UGGT2: variants seen among roughly 807,000 people sequenced by gnomAD.
The protein encoded by UGGT2 is UDP-glucose glycoprotein glucosyltransferase 2, also known as UDP-glucose:glycoprotein glucosyltransferase 2.
A neutral mutation model predicts 192.1 loss-of-function variants in UGGT2; 180 were observed. The observed-to-expected ratio is 0.94, with a 90% CI of 0.83 to 1.06. The LOEUF is 1.06. UGGT2 is among the 50% of genes least tolerant of loss of function. The pLI, the probability that UGGT2 is intolerant of heterozygous loss-of-function variation, is 0.00. For synonymous variants in UGGT2, 580 were observed against 591.0 expected, an observed-to-expected ratio of 0.98 and a Z score of 0.27; for missense variants, 1,849 against 1,795.7, an observed-to-expected ratio of 1.03 and a Z score of -0.54.
intron 38 of UGGT2, among the ~76,000 whole-genome samples, chr13:95,802,107 T>A (rs1884088533): frequency 6.6e-6 from 1 of 152,242 alleles, no homozygotes; most frequent in South Asian, 2.1e-4. Context: ...TCTAGCATCC[T>A]GCCTGGCAGA....
At chr13:95,921,748 G>A (rs2048851526) in intron 20 of UGGT2, among the ~76,000 whole-genome samples, 1 of 152,028 alleles carries the variant, frequency 6.6e-6, no homozygotes, top group Admixed American at 6.6e-5. Context: ...ATACCAGTCA[G>A]AATTGGTATT....
chr13:95,918,048 T>C (rs531526395), intron 20 of UGGT2, among the ~76,000 whole-genome samples: 1 of 152,302 alleles, frequency 6.6e-6, no homozygotes, highest in South Asian at 2.1e-4. Flanking sequence ...TTGATAGATA[T>C]TTACAGAAAT....
chr13:96,003,031 G>A (rs953475213), intron 5 of UGGT2, among the ~76,000 whole-genome samples: 3 of 152,140 alleles, frequency 2.0e-5, no homozygotes, highest in African/African-American at 7.2e-5. Context: ...GGTGCAACAT[G>A]AATGACGTGC....
At chr13:95,970,921 T>C (rs1053366623) in intron 11 of UGGT2, among the ~76,000 whole-genome samples, 1 of 152,204 alleles carries the variant, frequency 6.6e-6, no homozygotes, top group African/African-American at 2.4e-5. Flanking sequence ...TGTAGATATA[T>C]AAGACCCTGC....
Position 95,999,538 on chromosome 13 carries a change from T to G in UGGT2, c.661-231A>C, listed in dbSNP as rs548034517. On this transcript the variant is annotated intron_variant, in intron 5 of 38. Coordinates refer to ENST00000376747, the MANE Select transcript of UGGT2 (RefSeq NM_020121.4). The stretch of plus-strand genomic sequence containing the variant: ...TTGTCATGACTACTGTTTTAATTAC[T>G]TTTTAATTTTTACAATTAAAATAAT... Among the ~76,000 whole-genome samples, 226 of 152,352 alleles carry G rather than the reference T, an allele frequency of 1.5e-3. 1 individual carries two copies. Among genetic ancestry groups the G allele is most frequent in the Non-Finnish European group, 2.7e-3 (185 of 68,024 alleles).
chr13:95,968,462 G>T (rs59666343), intron 12 of UGGT2, among the ~76,000 whole-genome samples: 1 of 152,090 alleles, frequency 6.6e-6, no homozygotes, highest in African/African-American at 2.4e-5. Flanking sequence ...CCCCAATGCC[G>T]GAGGTAGGGC....
At chr13:95,842,878 G>A (rs756394332) in intron 36 of UGGT2, among the ~76,000 whole-genome samples, 3 of 152,168 alleles carry the variant, frequency 2.0e-5, no homozygotes, top group African/African-American at 4.8e-5. Flanking sequence ...GGCAGTCCCC[G>A]GGCTGACACA....
At chr13:95,978,658 G>A (rs972100738) in intron 10 of UGGT2, among the ~76,000 whole-genome samples, 3 of 152,104 alleles carry the variant, frequency 2.0e-5, no homozygotes, top group African/African-American at 7.2e-5. Flanking sequence ...CACAGTTTCA[G>A]GTCTCACATT....
intron 7 of UGGT2, chr13:95,991,400 A>G: frequency 2.3e-6 from 1 of 438,950 alleles, no homozygotes; most frequent in South Asian, 1.6e-5. Context: ...TTTCCTTTTT[A>G]ATGATTGTCA....
chr13:96,005,325 G>C (rs2051938506), intron 5 of UGGT2, among the ~76,000 whole-genome samples: 1 of 152,160 alleles, frequency 6.6e-6, no homozygotes, highest in Non-Finnish European at 1.5e-5. Flanking sequence ...GCTTGCTAAA[G>C]GCTAAATGTG....
chr13:95,886,032 T>C (rs902684307), intron 26 of UGGT2, among the ~76,000 whole-genome samples: 5 of 152,096 alleles, frequency 3.3e-5, no homozygotes, highest in African/African-American at 9.7e-5. Context: ...TGAAAAAAGC[T>C]AGTATAGAGA....
Position 95,900,881 on chromosome 13 carries a change from G to A in UGGT2, c.2560C>T (p.Arg854Ter), listed in dbSNP as rs765341836. The change falls in exon 22 of 39, where the codon CGA becomes TGA. Residue 854 changes from arginine to a stop codon, truncating the protein, a stop_gained. Coordinates refer to ENST00000376747, the MANE Select transcript of UGGT2 (RefSeq NM_020121.4). LOFTEE classifies it high-confidence loss of function. ...TCTTGACAGAACAACTGGTGAGTTC[G>A]AAAAATATTCACTCCAACAGTATTA... The part of the protein sequence containing the change: ...KYNTVGVNIF[R>*]THQLFCQDVL... 1.9e-6 allele frequency: 3 copies of A among 1,610,692 alleles called. No homozygotes were observed. Among genetic ancestry groups the A allele is most frequent in the Non-Finnish European group, 1.7e-6 (2 of 1,178,732 alleles).
At chr13:95,988,523 G>C (rs1195737830) in intron 8 of UGGT2, among the ~76,000 whole-genome samples, 1 of 152,144 alleles carries the variant, frequency 6.6e-6, no homozygotes. Context: ...CTGTACACCA[G>C]AAGGGTCCAG....
At chr13:96,006,382 T>G (rs557024123) in intron 5 of UGGT2, among the ~76,000 whole-genome samples, 1 of 152,062 alleles carries the variant, frequency 6.6e-6, no homozygotes, top group East Asian at 1.9e-4. Flanking sequence ...CCCAGCACTA[T>G]GGGAGGCTGA....
intron 5 of UGGT2, among the ~76,000 whole-genome samples, chr13:96,002,578 ACTTTCT>A (rs2051841189): frequency 6.6e-6 from 1 of 152,130 alleles, no homozygotes; most frequent in South Asian, 2.1e-4. Context: ...ACACACCCAC[ACTTTCT>A]CTTTACATCT....
chr13:95,896,937 ACT>A (rs1206671340), intron 22 of UGGT2, among the ~76,000 whole-genome samples: 7 of 151,998 alleles, frequency 4.6e-5, no homozygotes, highest in South Asian at 2.1e-4. Flanking sequence ...ATTGCAGAAA[ACT>A]CTGTCAGATT....
rs141361029 is a variant in UGGT2, at chr13:95,895,191, G to C, written c.2748C>G (p.Ile916Met). 6.3e-7 allele frequency: 1 copy of C among 1,581,364 alleles called. No individual in the cohort carries two copies. The highest frequency in any genetic ancestry group is 1.4e-5 in the African/African-American group (1 of 72,816). The change falls in exon 23 of 39, where the codon ATC becomes ATG. Residue 916 changes from isoleucine to methionine, a missense_variant. Transcript: ENST00000376747. ...ACTTATATACTCACTTATTTGCGTT[G>C]ATTCCCATATTTTCAACAATGCCTT... ...KIKGIVENMG[I>M]NANNMSDFIM...
At chr13:95,808,455 C>T (rs1884423618) in intron 38 of UGGT2, among the ~76,000 whole-genome samples, 1 of 151,798 alleles carries the variant, frequency 6.6e-6, no homozygotes. Context: ...CATTAAAAAC[C>T]TGTTGAGGCA....
At chr13:96,014,102 AAC>A (rs1364954307) in intron 4 of UGGT2, among the ~76,000 whole-genome samples, 1 of 152,196 alleles carries the variant, frequency 6.6e-6, no homozygotes, top group Non-Finnish European at 1.5e-5. Flanking sequence ...CAGATAAGTT[AAC>A]TATTCAGGAA....
Sources: allele counts gnomAD v4.1 joint callset (sites outside exome capture counted in the v4.1 genomes callset), GRCh38; gene constraint gnomAD v4.1.1; transcripts MANE v1.5; gene names NCBI Gene and HGNC (gene_info 2026-07-23, HGNC 2026-07-21).